The following FAF2 variants were observed in gnomAD, a reference collection of about 807,000 sequenced individuals.
The protein encoded by FAF2 is FAS-associated factor 2.
FAF2 carries 9 observed loss-of-function variants against 62.3 expected under a neutral mutation model. That is an observed-to-expected ratio of 0.14 (90% CI 0.09 to 0.25). The LOEUF is 0.25. Ranked by LOEUF, FAF2 falls within the 10% of genes least tolerant of loss-of-function variation. FAF2 has a pLI of 1.00. For synonymous variants in FAF2, 202 were observed against 198.0 expected, an observed-to-expected ratio of 1.02 and a Z score of -0.17; for missense variants, 368 against 556.2, an observed-to-expected ratio of 0.66 and a Z score of 3.40.
intron 1 of FAF2, among the ~76,000 whole-genome samples, chr5:176,458,851 C>T (rs935058834): frequency 1.3e-5 from 2 of 152,012 alleles, no homozygotes; most frequent in South Asian, 2.1e-4. Flanking sequence ...TTTAATTTCC[C>T]TAACATGTTA....
At chr5:176,491,691 A>G (rs1758972823) in intron 4 of FAF2, among the ~76,000 whole-genome samples, 1 of 152,216 alleles carries the variant, frequency 6.6e-6, no homozygotes, top group Admixed American at 6.5e-5. Context: ...TCCGCTGTTC[A>G]GTATGAAAGC....
rs1362444975 is a variant in FAF2, at chr5:176,508,948, G to A, written c.*1998G>A. 6.6e-6 allele frequency: 1 copy of A among 151,992 alleles called. No homozygotes were observed. The highest frequency in any genetic ancestry group is 1.9e-4 in the East Asian group (1 of 5,196). 9.4% of individuals were successfully genotyped at this position (151,992 alleles called of 1,614,324 possible). A position where few individuals can be genotyped will look rare whatever the true frequency, so the allele number is the denominator to read the frequency against. On this transcript the variant is annotated 3_prime_UTR_variant, in exon 11 of 11. Coordinates refer to ENST00000261942, the MANE Select transcript of FAF2 (RefSeq NM_014613.3). ...TAGGTACACTGTCCACACCTCTTTG[G>A]GGAAGTTACGATTTTTTTTTTCCAT...
rs573605858 is a variant in FAF2, at chr5:176,463,397, G to T, written c.63+14927G>T. On this transcript the variant is annotated intron_variant, in intron 1 of 10. Transcript: ENST00000261942. ...GAGACTCCATCTCAAAAAAAAAAAA[G>T]GAATTAATGAAAGATAATTTATTTG... Among the ~76,000 whole-genome samples the T allele has an allele frequency of 4.0e-5, 6 of 150,998 alleles. No individual in the cohort carries two copies. The South Asian group carries it at 1.3e-3, about 32-fold the overall frequency.
intron 8 of FAF2, among the ~76,000 whole-genome samples, chr5:176,498,658 G>A (rs1755540147): frequency 6.6e-6 from 1 of 152,130 alleles, no homozygotes; most frequent in Admixed American, 6.5e-5. Flanking sequence ...TTAGAATTAG[G>A]GGAAAAGTTT....
intron 4 of FAF2, among the ~76,000 whole-genome samples, chr5:176,490,310 CAAA>C (rs34742727): frequency 2.6e-5 from 3 of 114,338 alleles, no homozygotes; most frequent in Non-Finnish European, 3.7e-5. Flanking sequence ...GACTCCGTCT[CAAA>C]AAAAAAAAAA....
chr5:176,490,291 A>C (rs61548870), intron 4 of FAF2, among the ~76,000 whole-genome samples: 23,825 of 149,670 alleles, frequency 0.16, 2,387 homozygotes, highest in East Asian at 0.28. Context: ...AGCCTGGGTG[A>C]GAGAGTGGGA....
At chr5:176,460,512 G>A (rs558352408) in intron 1 of FAF2, among the ~76,000 whole-genome samples, 3 of 131,468 alleles carry the variant, frequency 2.3e-5, no homozygotes, top group East Asian at 2.2e-4. Flanking sequence ...ATTTTTGGCC[G>A]CGTGTGTGTG....
In FAF2 at chr5:176,494,325, A is replaced by G; in HGVS notation, c.661+50A>G. 2.0e-6 allele frequency: 3 copies of G among 1,469,640 alleles called. No individual in the cohort carries two copies. Among genetic ancestry groups the G allele is most frequent in the Non-Finnish European group, 2.9e-6 (3 of 1,049,816 alleles). The allele number at this position is 1,469,640 out of a possible 1,614,324, so 91.0% of individuals were successfully genotyped here. On this transcript the variant is annotated intron_variant, in intron 7 of 10. Transcript: ENST00000261942. This position sits in a 1 kb window ranked among gnomAD's most constrained non-coding sequence, Gnocchi z 4.0. ...TTGAGATTGTTGGAGTATCTTTGGA[A>G]TAGTCTGGAAAGACATGCCATGCCA...
intron 1 of FAF2, among the ~76,000 whole-genome samples, chr5:176,464,580 C>T (rs751320997): frequency 1.2e-4 from 18 of 150,212 alleles, no homozygotes; most frequent in South Asian, 8.4e-4. Context: ...GTAGCCTCGA[C>T]CTCCCGGACT....
At chr5:176,503,610 A>G (rs1465744014) in intron 10 of FAF2, among the ~76,000 whole-genome samples, 2 of 152,056 alleles carry the variant, frequency 1.3e-5, no homozygotes, top group Non-Finnish European at 2.9e-5. Context: ...GGTCCTTTGT[A>G]AATAATCTCC....
chr5:176,457,261 T>A (rs146303849), intron 1 of FAF2, among the ~76,000 whole-genome samples: 139 of 152,288 alleles, frequency 9.1e-4, no homozygotes, highest in African/African-American at 2.8e-3. Context: ...CAACCTTGGC[T>A]CACTACAACC....
At position 176,494,269 on chromosome 5, in the gene FAF2, T is replaced by A; in HGVS notation, c.655T>A (p.Tyr219Asn). ...WACSTNKPEG[Y>N]RVSQALRENT... ...ATGCTCTACAAACAAACCTGAGGGA[T>A]ACAGGGGTAAGTTATGTTTCTTCTG... The change falls in exon 7 of 11, where the codon TAC becomes AAC. Residue 219 changes from tyrosine (Y) to asparagine (N), a missense_variant. Tyr to Asn is a moderately radical substitution (Grantham distance 143). This residue lies in a region of FAF2 where 331 missense variants were observed against 441.9 expected (regional missense o/e 0.75). Coordinates refer to ENST00000261942, the MANE Select transcript of FAF2 (RefSeq NM_014613.3). The surrounding 1 kb of genome is among the most constrained non-coding windows in gnomAD (Gnocchi z 4.0). The A allele has an allele frequency of 1.9e-6, 3 of 1,612,190 alleles. No individual in the cohort carries two copies. In the East Asian group the frequency reaches 6.7e-5, roughly 36 times the overall value.
intron 10 of FAF2, among the ~76,000 whole-genome samples, chr5:176,503,879 C>T (rs964660619): frequency 5.9e-5 from 9 of 152,076 alleles, no homozygotes; most frequent in Non-Finnish European, 1.2e-4. Flanking sequence ...TAAAAAATGC[C>T]GGCCGAGTGC....
chr5:176,499,906 T>C, intron 9 of FAF2, 97 bp from the exon 10 acceptor site: 2 of 1,416,468 alleles, frequency 1.4e-6, no homozygotes, highest in Non-Finnish European at 1.9e-6. Flanking sequence ...GAATACTTAG[T>C]CATTAATTTT....
intron 8 of FAF2, among the ~76,000 whole-genome samples, chr5:176,497,769 C>T (rs1755523491): frequency 6.6e-6 from 1 of 152,066 alleles, no homozygotes; most frequent in African/African-American, 2.4e-5. Context: ...ATTTGTAATG[C>T]CAACTTGCCC....
intron 1 of FAF2, among the ~76,000 whole-genome samples, chr5:176,475,519 G>C (rs1356719219): frequency 6.6e-6 from 1 of 152,138 alleles, no homozygotes; most frequent in Non-Finnish European, 1.5e-5. Context: ...GCTCACGCCT[G>C]TAATCCCAAC....
chr5:176,495,915 A>G (rs1755457765), intron 7 of FAF2, among the ~76,000 whole-genome samples: 1 of 151,072 alleles, frequency 6.6e-6, no homozygotes, highest in Non-Finnish European at 1.5e-5. Flanking sequence ...TAGGCAAGAG[A>G]AAAAAAAATG....
intron 1 of FAF2, among the ~76,000 whole-genome samples, chr5:176,460,510 CCG>C (rs771294516): frequency 2.0e-5 from 2 of 99,082 alleles, no homozygotes; most frequent in South Asian, 3.3e-4. Flanking sequence ...CTATTTTTGG[CCG>C]CGTGTGTGTG....
At position 176,494,091 on chromosome 5, in the gene FAF2, GGATT is replaced by G. The variant is rs780262694; in HGVS notation, c.569+12_569+15del. Reference sequence around the variant, plus strand: ...ACTCTGATGAGTTTTGTCGGTAAGTGGATTGATTATTTTCCTTCTCTTTTCTGAC... The same window carrying G: ...ACTCTGATGAGTTTTGTCGGTAAGTGGATTATTTTCCTTCTCTTTTCTGAC... On this transcript the variant is annotated splice_region_variant and intron_variant, in intron 6 of 10. Transcript: ENST00000261942. This position sits in a 1 kb window ranked among gnomAD's most constrained non-coding sequence, Gnocchi z 4.0. The G allele has an allele frequency of 1.9e-6, 3 of 1,613,126 alleles. No individual in the cohort carries two copies. The East Asian group carries it at 6.7e-5, about 36-fold the overall frequency.
Sources: gnomAD v4.1 joint callset for allele counts (sites outside exome capture counted in the v4.1 genomes callset) on GRCh38, gnomAD v4.1.1 for gene constraint, gnomAD v4.1.1 regional missense constraint, Gnocchi (gnomAD v3.1) non-coding constraint, MANE v1.5 for transcripts, NCBI Gene and HGNC (gene_info 2026-07-23, HGNC 2026-07-21) for gene names.